The following CRLF2 variants were observed in gnomAD, a reference collection of about 807,000 sequenced individuals.
CRLF2 encodes the protein cytokine receptor like factor 2, also known as cytokine receptor-like factor 2.
A neutral mutation model predicts 38.7 loss-of-function variants in CRLF2; 41 were observed. The observed-to-expected ratio is 1.06, with a 90% CI of 0.83 to 1.37. The LOEUF (loss-of-function observed/expected upper bound fraction) is 1.37. Among genes scored for constraint, CRLF2 ranks in the 40% most tolerant of loss-of-function variants. The pLI is 0.00. For missense variants in CRLF2, 377 were observed against 322.2 expected, an observed-to-expected ratio of 1.17 and a Z score of -1.30; for synonymous variants, 140 against 128.8, an observed-to-expected ratio of 1.09 and a Z score of -0.59.
chrX:1,204,148 C>CTGTGTGTGTGTGTGTGTGTGTGTG (rs1457922780), intron 3 of CRLF2, among the ~76,000 whole-genome samples: 7 of 14,586 alleles, frequency 4.8e-4, no homozygotes, highest in Non-Finnish European at 1.2e-3. Context: ...TTCCAGCTCA[C>CTGTGTGTGTGTGTGTGTGTGTGTG]TCTGTGTGTG....
intron 3 of CRLF2, among the ~76,000 whole-genome samples, chrX:1,203,162 CAGTT>C (rs1351374807): frequency 2.8e-5 from 4 of 143,998 alleles, no homozygotes; most frequent in African/African-American, 7.8e-5. Flanking sequence ...ATTATAGATT[CAGTT>C]AGTTAGGATG....
intron 1 of CRLF2, among the ~76,000 whole-genome samples, chrX:1,209,299 G>GTGTAGTGTAT (rs1402407957): frequency 4.9e-4 from 32 of 65,020 alleles, no homozygotes; most frequent in African/African-American, 2.9e-3. Context: ...TTGTATTGTA[G>GTGTAGTGTAT]TGTAGTGTAG....
chrX:1,206,462 A>G lies in CRLF2; in HGVS notation c.320T>C (p.Phe107Ser). The stretch of plus-strand genomic sequence containing the variant: ...ATAAACCATCCAGCGACTTGCGGTG[A>G]AAACGGGGTGCGTCCCATTCCTGAT... ...FSIRNGTHPV[F>S]TASRWMVYYL... The change falls in exon 3 of 8, where the codon TTC becomes TCC. Residue 107 changes from phenylalanine to serine, a missense_variant. Transcript: ENST00000400841. The G allele has an allele frequency of 6.2e-7, 1 of 1,613,572 alleles. No individual in the cohort carries two copies. Among genetic ancestry groups the G allele is most frequent in the South Asian group, 1.1e-5 (1 of 91,070 alleles).
intron 1 of CRLF2, among the ~76,000 whole-genome samples, chrX:1,209,637 G>A (rs1365109655): frequency 6.6e-6 from 1 of 152,048 alleles, no homozygotes; most frequent in Non-Finnish European, 1.5e-5. Context: ...GGCTGCTTTT[G>A]TTTTTGTTTT....
Position 1,197,763 on chromosome X carries a change from A to C in CRLF2, c.646+799T>G, listed in dbSNP as rs191952750. ...CGGGAGGCGGAGGTTGCAGTGAGCC[A>C]AGACCGTGCCACTGAACTCCAGCCT... is the stretch of plus-strand genomic sequence containing the variant. On this transcript the variant is annotated intron_variant, in intron 5 of 7. Coordinates refer to ENST00000400841, the MANE Select transcript of CRLF2 (RefSeq NM_022148.4). Among the ~76,000 whole-genome samples the C allele has an allele frequency of 4.8e-3, 730 of 151,880 alleles. 8 individuals carry two copies. The highest frequency in any genetic ancestry group is 0.017 in the African/African-American group (715 of 41,450).
chrX:1,196,350 G>T (rs1473339017), intron 6 of CRLF2, among the ~76,000 whole-genome samples: 3 of 151,556 alleles, frequency 2.0e-5, no homozygotes, highest in Non-Finnish European at 2.9e-5. Context: ...ACCACACCCG[G>T]CTACTTTTTG....
chrX:1,196,038 A>C (rs1287659273), intron 6 of CRLF2, among the ~76,000 whole-genome samples: 9 of 144,032 alleles, frequency 6.2e-5, no homozygotes, highest in Admixed American at 3.0e-4. Context: ...ATAATTATAC[A>C]CCCGGCTAAT....
rs184748323 is a variant in CRLF2 at position 1,210,987 on chromosome X, G to A, written c.79+1569C>T. Among the ~76,000 whole-genome samples, 382 of 151,974 alleles carry A rather than the reference G, an allele frequency of 2.5e-3. 9 individuals carry two copies. The highest frequency in any genetic ancestry group is 5.7e-4 in the Non-Finnish European group (39 of 67,948). Reference sequence around the variant, plus strand: ...TACATAGATGTGTACATGGATGGGTGGATGGATGGATGGATGAGTGGATGA... The same window carrying A: ...TACATAGATGTGTACATGGATGGGTAGATGGATGGATGGATGAGTGGATGA... On this transcript the variant is annotated intron_variant, in intron 1 of 7. Coordinates refer to ENST00000400841, the MANE Select transcript of CRLF2 (RefSeq NM_022148.4).
chrX:1,205,981 A>T (rs2086684142), intron 3 of CRLF2, among the ~76,000 whole-genome samples: 1 of 151,958 alleles, frequency 6.6e-6, no homozygotes, highest in Non-Finnish European at 1.5e-5. Flanking sequence ...AAGTAGCGAA[A>T]AGTAGGCTGG....
intron 5 of CRLF2, among the ~76,000 whole-genome samples, chrX:1,198,077 G>A (rs1296707103): frequency 2.6e-5 from 4 of 152,102 alleles, no homozygotes; most frequent in Admixed American, 1.3e-4. Context: ...CTTTCAGATG[G>A]GGCCCTGGAG....
intron 3 of CRLF2, among the ~76,000 whole-genome samples, chrX:1,203,943 C>T (rs1360325825): frequency 6.6e-6 from 1 of 151,984 alleles, no homozygotes; most frequent in East Asian, 1.9e-4. Context: ...GAAACCCAGC[C>T]TTACAGAATT....
chrX:1,207,807 G>A (rs1468619184), intron 2 of CRLF2, among the ~76,000 whole-genome samples: 1 of 148,566 alleles, frequency 6.7e-6, no homozygotes, highest in Non-Finnish European at 1.5e-5. Flanking sequence ...CTGCCGCCAC[G>A]CCCGGCTAGT....
chrX:1,212,475 G>A, intron 1 of CRLF2, 81 bp downstream of exon 1: 2 of 782,368 alleles, frequency 2.6e-6, no homozygotes, highest in Non-Finnish European at 4.3e-6. Flanking sequence ...CATTGTTTAA[G>A]TTTTACAAAA....
Position 1,206,499 on chromosome X carries a change from G to C in CRLF2, c.283C>G (p.Leu95Val). ...GTCCCATTCCTGATGGAGAAATAGA[G>C]AATGTCGTCTCGCTGCTCTGCGTCT... ...LLDAEQRDDI[L>V]YFSIRNGTHP... Residue 95 changes from leucine (L) to valine (V), a missense_variant, in exon 3 of 8, where the codon CTC becomes GTC. Coordinates refer to ENST00000400841, the MANE Select transcript of CRLF2 (RefSeq NM_022148.4). 6.2e-7 allele frequency: 1 copy of C among 1,613,590 alleles called. No individual in the cohort carries two copies. The highest frequency in any genetic ancestry group is 8.5e-7 in the Non-Finnish European group (1 of 1,179,588).
At chrX:1,200,043 A>G (rs772031193) in intron 4 of CRLF2, among the ~76,000 whole-genome samples, 34 of 143,242 alleles carry the variant, frequency 2.4e-4, no homozygotes, top group African/African-American at 8.1e-4. Flanking sequence ...ATGTGTGTGT[A>G]TATATGTGTG....
chrX:1,202,578 G>C, intron 3 of CRLF2, 43 bp from the exon 4 acceptor site: 3 of 1,612,992 alleles, frequency 1.9e-6, no homozygotes, highest in Non-Finnish European at 8.5e-7. Context: ...TCCTCTCTGA[G>C]CTGATTGTGA....
At chrX:1,196,037 C>A (rs1439417183) in intron 6 of CRLF2, among the ~76,000 whole-genome samples, 1 of 140,008 alleles carries the variant, frequency 7.1e-6, no homozygotes, top group Non-Finnish European at 1.5e-5. Context: ...TATAATTATA[C>A]ACCCGGCTAA....
chrX:1,198,828 G>T, intron 4 of CRLF2, 104 bp from the exon 5 acceptor site: 2 of 1,158,998 alleles, frequency 1.7e-6, no homozygotes, highest in Non-Finnish European at 1.2e-6. Flanking sequence ...TCCTTCCGGA[G>T]GGTTCACAGT....
At chrX:1,211,527 A>G (rs1451140042) in intron 1 of CRLF2, among the ~76,000 whole-genome samples, 8 of 35,086 alleles carry the variant, frequency 2.3e-4, no homozygotes, top group Admixed American at 5.9e-4. Flanking sequence ...ATGCATGGAT[A>G]GATGGATGTA....
Sources: allele counts gnomAD v4.1 joint callset (sites outside exome capture counted in the v4.1 genomes callset), GRCh38; gene constraint gnomAD v4.1.1; transcripts MANE v1.5; gene names NCBI Gene and HGNC (gene_info 2026-07-23, HGNC 2026-07-21).